Variants in PPHLN1 observed in about 807,000 individuals in gnomAD.
The protein encoded by PPHLN1 is periphilin-1.
Under a neutral mutation model 51.3 loss-of-function variants are expected in PPHLN1, and 29 were observed. That is an observed-to-expected ratio of 0.57 (90% CI 0.42 to 0.77). The LOEUF is 0.77. Among genes scored for constraint, PPHLN1 ranks in the 30% least tolerant of loss-of-function variants. PPHLN1 has a pLI of 0.00. For synonymous variants in PPHLN1, 147 were observed against 147.8 expected (o/e 0.99, Z 0.04); for missense variants, 436 against 438.4 (o/e 0.99, Z 0.05).
chr12:42,444,674 G>C (rs1240644993), downstream of PPHLN1: 9 of 185,366 alleles, frequency 4.9e-5, no homozygotes, highest in East Asian at 1.4e-3. Context: ...GAATTCCCTT[G>C]AGTAAAAAAC....
chr12:42,360,723 A>G (rs923445977), intron 4 of PPHLN1, among the ~76,000 whole-genome samples: 1 of 151,762 alleles, frequency 6.6e-6, no homozygotes, highest in African/African-American at 2.4e-5. Flanking sequence ...TTGAACTCCT[A>G]ACCTCGTGAT....
chr12:42,387,322 TTAATGTAA>T (rs1249257825), intron 6 of PPHLN1, 126 bp from the exon 7 acceptor site: 14 of 908,344 alleles, frequency 1.5e-5, no homozygotes, highest in Non-Finnish European at 2.2e-5. Flanking sequence ...ATTAACCTAT[TTAATGTAA>T]TAATGTAATG....
intron 9 of PPHLN1, among the ~76,000 whole-genome samples, chr12:42,435,399 AG>A (rs1478631860): frequency 6.6e-6 from 1 of 152,194 alleles, no homozygotes; most frequent in Non-Finnish European, 1.5e-5. Flanking sequence ...TGTTCTTTTT[AG>A]GAGCTGTGTT....
At chr12:42,405,192 A>G (rs1256639564) in intron 9 of PPHLN1, among the ~76,000 whole-genome samples, 1 of 152,118 alleles carries the variant, frequency 6.6e-6, no homozygotes, top group Non-Finnish European at 1.5e-5. Context: ...AGAATTCTCT[A>G]CCGTCCTTTT....
chr12:42,358,134 G>A lies in PPHLN1; in HGVS notation c.299+2912G>A, dbSNP rs115503278. Among the ~76,000 whole-genome samples, 806 of 152,072 alleles carry A rather than the reference G, an allele frequency of 5.3e-3. 8 individuals are homozygous for A. Among genetic ancestry groups the A allele is most frequent in the African/African-American group, 0.017 (708 of 41,502 alleles). ...TTTCTTTATCCAGTCATCCATTGAC[G>A]GACATTTAGGTTGATTCTATATCTT... is the stretch of plus-strand genomic sequence containing the variant. On this transcript the variant is annotated intron_variant, in intron 4 of 9. Coordinates refer to ENST00000358314, the MANE Select transcript of PPHLN1 (RefSeq NM_201439.2).
intron 9 of PPHLN1, among the ~76,000 whole-genome samples, chr12:42,417,159 C>T (rs151225817): frequency 1.3e-5 from 2 of 152,110 alleles, no homozygotes; most frequent in South Asian, 2.1e-4. Context: ...ACTTAGCGAC[C>T]GATTTGTCTG....
intron 2 of PPHLN1, among the ~76,000 whole-genome samples, chr12:42,350,713 G>A (rs56755189): frequency 6.6e-6 from 1 of 152,064 alleles, no homozygotes; most frequent in African/African-American, 2.4e-5. Context: ...CTGCGATCCC[G>A]GCACCTCGGG....
At chr12:42,396,594 T>C (rs568685429) in intron 8 of PPHLN1, among the ~76,000 whole-genome samples, 7 of 120,474 alleles carry the variant, frequency 5.8e-5, no homozygotes, top group Non-Finnish European at 4.8e-5. Flanking sequence ...GCCTGGGCAA[T>C]GTAGTAAGGT....
At chr12:42,426,193 CA>C (rs2081452345) in intron 9 of PPHLN1, among the ~76,000 whole-genome samples, 2 of 139,890 alleles carry the variant, frequency 1.4e-5, no homozygotes, top group Non-Finnish European at 3.0e-5. Flanking sequence ...CACACACACA[CA>C]CACACACACA....
intron 8 of PPHLN1, among the ~76,000 whole-genome samples, chr12:42,394,005 A>G (rs937582493): frequency 6.6e-6 from 1 of 152,118 alleles, no homozygotes; most frequent in Non-Finnish European, 1.5e-5. Flanking sequence ...ATGCTAAGCC[A>G]CTAGTTATAA....
At chr12:42,341,710 C>T (rs1326892347) in intron 2 of PPHLN1, among the ~76,000 whole-genome samples, 2 of 152,162 alleles carry the variant, frequency 1.3e-5, no homozygotes, top group Non-Finnish European at 2.9e-5. Context: ...CAAGCTCCGC[C>T]TCCCGGGTTC....
chr12:42,355,243 G>T, intron 4 of PPHLN1, 21 bp downstream of exon 4: 1 of 1,599,754 alleles, frequency 6.3e-7, no homozygotes, highest in African/African-American at 1.3e-5. Context: ...AAAAATAATA[G>T]CATAAGTACT....
At chr12:42,376,384 T>G (rs943300615) in intron 5 of PPHLN1, among the ~76,000 whole-genome samples, 2 of 152,252 alleles carry the variant, frequency 1.3e-5, no homozygotes, top group East Asian at 1.9e-4. Flanking sequence ...AAACATTTAT[T>G]GTCTACTCTT....
At chr12:42,438,110 A>T (rs747904984) in intron 9 of PPHLN1, among the ~76,000 whole-genome samples, 9 of 152,214 alleles carry the variant, frequency 5.9e-5, no homozygotes, top group Non-Finnish European at 1.2e-4. Flanking sequence ...TTTGGCAGTT[A>T]TAATAATGTT....
At chr12:42,400,105 TTTGTTTTATC>T (rs1042496685) in intron 9 of PPHLN1, 9 of 151,978 alleles carry the variant, frequency 5.9e-5, no homozygotes, top group Admixed American at 3.9e-4. Context: ...AAACAAGGGC[TTTGTTTTATC>T]TTGTTTTATT....
intron 2 of PPHLN1, among the ~76,000 whole-genome samples, chr12:42,344,708 A>G (rs1456969116): frequency 3.7e-5 from 5 of 134,098 alleles, no homozygotes; most frequent in Non-Finnish European, 1.6e-5. Flanking sequence ...AACAGTGTGG[A>G]TTTTTTTTTT....
At chr12:42,346,910 T>C (rs2072422773) in intron 2 of PPHLN1, among the ~76,000 whole-genome samples, 1 of 152,192 alleles carries the variant, frequency 6.6e-6, no homozygotes, top group African/African-American at 2.4e-5. Context: ...TACTTGGAGA[T>C]GGCATCTCAC....
At chr12:42,353,874 A>G (rs2073711585) in intron 3 of PPHLN1, among the ~76,000 whole-genome samples, 1 of 152,170 alleles carries the variant, frequency 6.6e-6, no homozygotes, top group Admixed American at 6.5e-5. Context: ...GTTTTTTCTA[A>G]TATTGTTACC....
chr12:42,367,925 G>T (rs986217822), intron 4 of PPHLN1, among the ~76,000 whole-genome samples: 18 of 152,136 alleles, frequency 1.2e-4, no homozygotes, highest in African/African-American at 4.1e-4. Flanking sequence ...AATAGACACA[G>T]TGTTTCACCA....
Sources: gnomAD v4.1 joint callset for allele counts (sites outside exome capture counted in the v4.1 genomes callset) on GRCh38, gnomAD v4.1.1 for gene constraint, MANE v1.5 for transcripts, NCBI Gene and HGNC (gene_info 2026-07-23, HGNC 2026-07-21) for gene names.